SYNE1: variants seen among roughly 807,000 people sequenced by gnomAD.
SYNE1 encodes the protein spectrin repeat containing nuclear envelope protein 1.
Under a neutral mutation model 1,111.0 loss-of-function variants are expected in SYNE1, and 616 were observed. The observed-to-expected ratio is 0.55, with a 90% CI of 0.52 to 0.59. The LOEUF is 0.59. SYNE1 is among the 20% of genes least tolerant of loss of function. The pLI is 0.00. For missense variants in SYNE1, 10,006 were observed against 10,417.0 expected, an observed-to-expected ratio of 0.96 and a Z score of 1.72; for synonymous variants, 3,855 against 3,825.8, an observed-to-expected ratio of 1.01 and a Z score of -0.28.
intron 93 of SYNE1, among the ~76,000 whole-genome samples, chr6:152,299,853 A>G (rs367725874): frequency 6.6e-6 from 1 of 152,214 alleles, no homozygotes; most frequent in Non-Finnish European, 1.5e-5. Flanking sequence ...ACTTCTTTGA[A>G]AAAATGTAAT....
intron 59 of SYNE1, among the ~76,000 whole-genome samples, chr6:152,372,247 C>T (rs1255097970): frequency 6.6e-6 from 1 of 152,028 alleles, no homozygotes; most frequent in Non-Finnish European, 1.5e-5. Flanking sequence ...AGGATGCTGG[C>T]CACGAAAAAA....
At chr6:152,298,400 C>A (rs1049418638) in intron 93 of SYNE1, among the ~76,000 whole-genome samples, 1 of 152,148 alleles carries the variant, frequency 6.6e-6, no homozygotes, top group Non-Finnish European at 1.5e-5. Flanking sequence ...AATCAAGAAG[C>A]CTACAGCAAA....
At position 152,331,097 on chromosome 6, in the gene SYNE1, T is replaced by C. The variant is rs1293621812; in HGVS notation, c.13588A>G (p.Ser4530Gly). 3 of 1,614,174 alleles carry C rather than the reference T, an allele frequency of 1.9e-6. No individual in the cohort carries two copies. The highest frequency in any genetic ancestry group is 2.5e-6 in the Non-Finnish European group (3 of 1,180,028). Reference protein sequence around the residue: ...LMKEVTEQEKSEVLGKLQELQ... With the variant: ...LMKEVTEQEKGEVLGKLQELQ... ...TCCTGAAGCTTCCCCAGCACTTCAC[T>C]CTTTTCCTGCTCTGTGACTTCCTTC... is the stretch of plus-strand genomic sequence containing the variant. The change falls in exon 78 of 146, where the codon AGT (serine) becomes GGT (glycine). Residue 4530 changes from serine (S) to glycine (G), a missense_variant. Around this residue, in one of 7 missense-constraint regions of SYNE1, gnomAD observed 4,955 missense variants for 5,017.2 expected, o/e 0.99. Coordinates refer to ENST00000367255, the MANE Select transcript of SYNE1 (RefSeq NM_182961.4).
intron 42 of SYNE1, 33 bp downstream of exon 42, chr6:152,413,319 C>G: frequency 1.2e-6 from 2 of 1,613,350 alleles, no homozygotes; most frequent in Non-Finnish European, 1.7e-6. Flanking sequence ...AAGTGGGAAG[C>G]TAAAAACAAG....
intron 8 of SYNE1, 64 bp downstream of exon 8, chr6:152,510,129 G>T: frequency 6.7e-7 from 1 of 1,485,784 alleles, no homozygotes. Context: ...ATTAGAAGTT[G>T]CAATTAGTAA....
chr6:152,428,116 TG>T, intron 37 of SYNE1, 88 bp downstream of exon 37: 1 of 1,545,788 alleles, frequency 6.5e-7, no homozygotes. Context: ...CTTTTGCATC[TG>T]GGATAACTAC....
chr6:152,174,473 CA>C (rs563586423), intron 130 of SYNE1, among the ~76,000 whole-genome samples: 39 of 152,324 alleles, frequency 2.6e-4, no homozygotes, highest in South Asian at 1.7e-3. Flanking sequence ...CTGAACTTCT[CA>C]AAGGAGAAGT....
chr6:152,213,725 A>C lies in SYNE1; in HGVS notation c.22381T>G (p.Phe7461Val). 2 of 1,614,090 alleles carry C rather than the reference A, an allele frequency of 1.2e-6. No individual in the cohort carries two copies. The highest frequency in any genetic ancestry group is 1.7e-6 in the Non-Finnish European group (2 of 1,179,998). ...LQSFLLQHQTFLEKCETWMEF... is the reference protein window; with the variant it reads ...LQSFLLQHQTVLEKCETWMEF... The stretch of plus-strand genomic sequence containing the variant: ...ATCCATGTTTCACATTTTTCCAAGA[A>C]AGTCTGATGTTGTAGCAAAAATGAC... The change falls in exon 123 of 146, where the codon TTC becomes GTC. Residue 7461 changes from phenylalanine to valine, a missense_variant. Physicochemically the swap from Phe to Val is conservative, Grantham distance 50. Transcript: ENST00000367255.
At chr6:152,511,422 T>C in intron 6 of SYNE1, 1 of 691,056 alleles carries the variant, frequency 1.4e-6, no homozygotes. Flanking sequence ...ATTATTTATA[T>C]TTAGAGGTTG....
chr6:152,636,380 A>G (rs1010429436), intron 2 of SYNE1, among the ~76,000 whole-genome samples: 13 of 152,060 alleles, frequency 8.5e-5, no homozygotes, highest in African/African-American at 1.7e-4. Flanking sequence ...GGAAATGACA[A>G]CTCAGAGAGG....
chr6:152,225,280 AACACAC>A (rs57426642), intron 116 of SYNE1, among the ~76,000 whole-genome samples: 36,505 of 146,964 alleles, frequency 0.25, 4,705 homozygotes, highest in East Asian at 0.52. Flanking sequence ...CATATGCGCA[AACACAC>A]ACACACACAC....
chr6:152,338,560 T>C (rs2096459423), intron 75 of SYNE1, among the ~76,000 whole-genome samples: 1 of 152,146 alleles, frequency 6.6e-6, no homozygotes, highest in African/African-American at 2.4e-5. Context: ...GGTTGAGGCT[T>C]CAGTCAGTGA....
rs751164756 is a variant in SYNE1 at position 152,122,720 on chromosome 6, C to T, written c.26154-44G>A. 6.3e-5 allele frequency: 102 copies of T among 1,611,620 alleles called. No homozygotes were observed. In the East Asian group the frequency reaches 9.4e-4, roughly 15 times the overall value. ...TAAATTACTCAGATAACTCCAGTGTCGGAGGGACGCTGCTTTTTGCCTCTG... is the reference window on the plus strand; with the variant it reads ...TAAATTACTCAGATAACTCCAGTGTTGGAGGGACGCTGCTTTTTGCCTCTG... On this transcript the variant is annotated intron_variant, in intron 145 of 145. Transcript: ENST00000367255.
rs368642394 is a variant in SYNE1, at chr6:152,283,430, C to G, written c.18207+548G>C. Among the ~76,000 whole-genome samples the G allele has an allele frequency of 2.2e-4, 33 of 152,352 alleles. No homozygotes were observed. In the East Asian group the frequency reaches 2.5e-3, roughly 12 times the overall value. ...CTACCAAGAATTTGCTTTCCACATT[C>G]TCAATATTTCACGCCTGAAATGAGT... is the stretch of plus-strand genomic sequence containing the variant. On this transcript the variant is annotated intron_variant, in intron 96 of 145. Transcript: ENST00000367255.
intron 91 of SYNE1, among the ~76,000 whole-genome samples, chr6:152,305,219 G>A (rs2095333517): frequency 6.6e-6 from 1 of 152,182 alleles, no homozygotes; most frequent in Admixed American, 6.5e-5. Context: ...TGATTTAAAA[G>A]TGGCAGGATG....
rs2152914979 is a variant in SYNE1 at position 152,151,559 on chromosome 6, T to C, written c.24444A>G (p.Gln8148=). ...TTGAAAAATAATCTATTACCTTGAG[T>C]TGCTTTATTTTAGCTTGAACATCAC... ...SECDVQAKIK[Q]LKAFQQEISL... The change falls in exon 135 of 146, where the codon CAA becomes CAG. Residue 8148 remains glutamine, a synonymous_variant. Transcript: ENST00000367255. The C allele has an allele frequency of 6.2e-7, 1 of 1,614,002 alleles. No individual in the cohort carries two copies. Among genetic ancestry groups the C allele is most frequent in the South Asian group, 1.1e-5 (1 of 91,008 alleles).
chr6:152,250,696 G>A (rs1048421596), intron 104 of SYNE1, among the ~76,000 whole-genome samples: 2 of 152,142 alleles, frequency 1.3e-5, no homozygotes, highest in Non-Finnish European at 2.9e-5. Flanking sequence ...TTACATATGA[G>A]TTACTAGGTC....
At chr6:152,270,786 G>A (rs1442730259) in intron 98 of SYNE1, among the ~76,000 whole-genome samples, 1 of 152,180 alleles carries the variant, frequency 6.6e-6, no homozygotes, top group Non-Finnish European at 1.5e-5. Flanking sequence ...CTGATAATGG[G>A]ATAGAAAGTT....
intron 3 of SYNE1, among the ~76,000 whole-genome samples, chr6:152,624,079 C>T (rs949731132): frequency 2.0e-5 from 3 of 152,088 alleles, no homozygotes; most frequent in Non-Finnish European, 4.4e-5. Context: ...AGCTATATCT[C>T]CAAGGGTAAA....
Sources: allele counts gnomAD v4.1 joint callset (sites outside exome capture counted in the v4.1 genomes callset), GRCh38; gene constraint gnomAD v4.1.1; regional missense constraint gnomAD v4.1.1; transcripts MANE v1.5; gene names NCBI Gene and HGNC (gene_info 2026-07-23, HGNC 2026-07-21).